IGF1R: variants seen among roughly 807,000 people sequenced by gnomAD.
IGF1R encodes the protein insulin-like growth factor 1 receptor.
A neutral mutation model predicts 144.6 loss-of-function variants in IGF1R; 44 were observed. The ratio of observed to expected loss-of-function variants is 0.30; its 90% confidence interval spans 0.24 to 0.39. The LOEUF is 0.39. Among genes scored for constraint, IGF1R ranks in the 10% least tolerant of loss-of-function variants. IGF1R has a pLI of 1.00. For synonymous variants in IGF1R, 795 were observed against 722.8 expected (o/e 1.10, Z -1.60); for missense variants, 1,355 against 1,833.7 (o/e 0.74, Z 4.77).
chr15:98,794,469 G>T (rs1318973027), intron 2 of IGF1R, among the ~76,000 whole-genome samples: 1 of 152,142 alleles, frequency 6.6e-6, no homozygotes, highest in Non-Finnish European at 1.5e-5. Flanking sequence ...GGAAAACTGC[G>T]CCTTCCATGT....
In IGF1R at chr15:98,916,135, A is replaced by C. The variant is rs1023650171; in HGVS notation, c.1996+4A>C. 5 of 1,613,812 alleles carry C rather than the reference A, an allele frequency of 3.1e-6. No homozygotes were observed. The African/African-American group carries it at 6.7e-5, about 22-fold the overall frequency. On this transcript the variant is annotated splice_donor_region_variant and intron_variant, in intron 9 of 20. Coordinates refer to ENST00000650285, the MANE Select transcript of IGF1R (RefSeq NM_000875.5). Reference sequence around the variant, plus strand: ...CGGCACAATTACTGCTCCAAAGGTAAGGGTGCAGCAGCGGCCTGGACGGAG... The same window carrying C: ...CGGCACAATTACTGCTCCAAAGGTACGGGTGCAGCAGCGGCCTGGACGGAG...
intron 1 of IGF1R, among the ~76,000 whole-genome samples, chr15:98,684,792 A>T (rs1054412989): frequency 6.6e-6 from 1 of 151,994 alleles, no homozygotes; most frequent in African/African-American, 2.4e-5. Context: ...CTTGCATTCT[A>T]TCCAGCGCTA....
chr15:98,772,533 G>T (rs1310275354), intron 2 of IGF1R, among the ~76,000 whole-genome samples: 2 of 103,356 alleles, frequency 1.9e-5, no homozygotes, highest in African/African-American at 6.4e-5. Flanking sequence ...TTAGGTCTCT[G>T]TTGGCCAGGC....
At chr15:98,671,156 C>T (rs1327252362) in intron 1 of IGF1R, among the ~76,000 whole-genome samples, 1 of 152,186 alleles carries the variant, frequency 6.6e-6, no homozygotes, top group African/African-American at 2.4e-5. Context: ...GCAGTGTCCC[C>T]CTCCAAATCT....
At chr15:98,870,505 G>T (rs1417768840) in intron 2 of IGF1R, among the ~76,000 whole-genome samples, 1 of 152,200 alleles carries the variant, frequency 6.6e-6, no homozygotes, top group African/African-American at 2.4e-5. Flanking sequence ...AGGTGGAACA[G>T]CGTGTGTGAA....
chr15:98,776,344 C>T (rs1043921120), intron 2 of IGF1R, among the ~76,000 whole-genome samples: 41 of 151,930 alleles, frequency 2.7e-4, no homozygotes, highest in Admixed American at 7.9e-4. Flanking sequence ...GCCACCATGC[C>T]GGGCTAATTT....
chr15:98,893,267 C>G (rs576908409), intron 3 of IGF1R, among the ~76,000 whole-genome samples: 5 of 152,176 alleles, frequency 3.3e-5, no homozygotes, highest in Admixed American at 2.0e-4. Context: ...GGCTTACCTT[C>G]AAATCAAAGA....
At chr15:98,922,024 C>A in intron 10 of IGF1R, 124 bp from the exon 11 acceptor site, 1 of 1,001,520 alleles carries the variant, frequency 1.0e-6, no homozygotes, top group Non-Finnish European at 1.6e-6. Context: ...TGAGTTCTTA[C>A]CTAAGGGGGC....
chr15:98,736,668 G>A (rs2054617872), intron 2 of IGF1R, among the ~76,000 whole-genome samples: 1 of 149,648 alleles, frequency 6.7e-6, no homozygotes, highest in South Asian at 2.1e-4. Flanking sequence ...CTGGAGTGGA[G>A]TGGCATGATC....
At chr15:98,766,919 C>A (rs2055450469) in intron 2 of IGF1R, among the ~76,000 whole-genome samples, 1 of 152,170 alleles carries the variant, frequency 6.6e-6, no homozygotes, top group Non-Finnish European at 1.5e-5. Context: ...TGTAGAAAAA[C>A]TCCAGCTCAT....
At chr15:98,654,045 A>AT (rs1009311758) in intron 1 of IGF1R, among the ~76,000 whole-genome samples, 16 of 152,144 alleles carry the variant, frequency 1.1e-4, no homozygotes, top group African/African-American at 3.4e-4. Context: ...TGAAATTCAG[A>AT]TTTTTTTTCA....
chr15:98,763,041 TCTCAAAAAAAAAAAAAAA>T (rs1391802180), intron 2 of IGF1R, among the ~76,000 whole-genome samples: 2 of 48,236 alleles, frequency 4.1e-5, no homozygotes, highest in African/African-American at 9.0e-5. Flanking sequence ...CTAGGTTCCA[TCTCAAAAAAAAAAAAAAA>T]AAAATTCCTC....
intron 2 of IGF1R, among the ~76,000 whole-genome samples, chr15:98,755,771 C>T (rs1332277663): frequency 8.5e-5 from 4 of 47,162 alleles, no homozygotes; most frequent in Non-Finnish European, 2.1e-4. Context: ...CTGCCTTGTT[C>T]CTGATTTAAA....
intron 2 of IGF1R, among the ~76,000 whole-genome samples, chr15:98,715,366 G>C (rs553652902): frequency 6.6e-6 from 1 of 152,162 alleles, no homozygotes; most frequent in Non-Finnish European, 1.5e-5. Context: ...TAGGGATCTC[G>C]TCTAAGAGAC....
rs553832265 is a variant in IGF1R, at chr15:98,704,482, G to A, written c.95-3080G>A. Among the ~76,000 whole-genome samples, 34 of 152,278 alleles carry A rather than the reference G, an allele frequency of 2.2e-4. No individual in the cohort carries two copies. The highest frequency in any genetic ancestry group is 1.6e-3 in the Admixed American group (25 of 15,300). ...TGTCAGATGGTGTTGGGACAGGGAC[G>A]GACCGTGAGGAGGCTGGATCATGGG... On this transcript the variant is annotated intron_variant, in intron 1 of 20. Coordinates refer to ENST00000650285, the MANE Select transcript of IGF1R (RefSeq NM_000875.5). The surrounding 1 kb of genome is among the most constrained non-coding windows in gnomAD (Gnocchi z 4.9).
At chr15:98,937,294 G>A (rs2016191706) in intron 17 of IGF1R, among the ~76,000 whole-genome samples, 1 of 152,162 alleles carries the variant, frequency 6.6e-6, no homozygotes, top group Admixed American at 6.5e-5. Flanking sequence ...AGGCACCTCT[G>A]AAAAGTCCAA....
chr15:98,897,149 CT>C lies in IGF1R; in HGVS notation c.1102+249del. The stretch of plus-strand genomic sequence containing the variant: ...TCCTGTAAAGAGGGTCATCGCTCAT[CT>C]TTTTGTTAGTCACATCTTGCATAGG... On this transcript the variant is annotated intron_variant, in intron 4 of 20. Transcript: ENST00000650285. The C allele has an allele frequency of 1.5e-5, 8 of 524,660 alleles. No individual in the cohort carries two copies. The South Asian group carries it at 1.6e-4, about 11-fold the overall frequency. 32.5% of individuals were successfully genotyped at this position (524,660 alleles called of 1,614,324 possible).
rs149874712 is a variant in IGF1R, at chr15:98,672,817, C to T, written c.94+23142C>T. Among the ~76,000 whole-genome samples, 43 of 152,122 alleles carry T rather than the reference C, an allele frequency of 2.8e-4. No individual in the cohort carries two copies. In the East Asian group the frequency reaches 6.4e-3, roughly 23 times the overall value. On this transcript the variant is annotated intron_variant, in intron 1 of 20. Transcript: ENST00000650285. ...TGAATGGATTTTTCCCCCCTAAATA[C>T]GGGTACCTGGAAAGTTGAAGCAGTG...
chr15:98,651,291 T>G (rs1461132890), intron 1 of IGF1R, among the ~76,000 whole-genome samples: 3 of 152,210 alleles, frequency 2.0e-5, no homozygotes, highest in Admixed American at 6.5e-5. Context: ...CAGATCGTGG[T>G]TCGCGTGTTT....
Sources: allele counts gnomAD v4.1 joint callset (sites outside exome capture counted in the v4.1 genomes callset), GRCh38; gene constraint gnomAD v4.1.1; non-coding constraint Gnocchi (gnomAD v3.1); transcripts MANE v1.5; gene names NCBI Gene and HGNC (gene_info 2026-07-23, HGNC 2026-07-21).